Variants in AHRR observed in about 807,000 individuals in gnomAD.
AHRR encodes the protein aryl hydrocarbon receptor repressor.
In AHRR, 28 loss-of-function variants were observed where a neutral mutation model predicts 44.0. That is an observed-to-expected ratio of 0.64 (90% CI 0.47 to 0.87). The LOEUF (loss-of-function observed/expected upper bound fraction) is 0.87. AHRR is among the 40% of genes least tolerant of loss of function. The probability of loss-of-function intolerance (pLI) is 0.00; values close to 1 mark genes in which losing one functional copy is unlikely to be tolerated. For missense variants in AHRR, 990 were observed against 953.9 expected (o/e 1.04, Z -0.50); for synonymous variants, 434 against 407.0 (o/e 1.07, Z -0.80).
At chr5:355,132 C>T (rs541501047) in intron 3 of AHRR, among the ~76,000 whole-genome samples, 4 of 152,296 alleles carry the variant, frequency 2.6e-5, no homozygotes, top group South Asian at 2.1e-4. Context: ...TCTCTGTTCC[C>T]AGCCTGGGCC....
At chr5:376,339 G>T (rs1297113239) in intron 3 of AHRR, among the ~76,000 whole-genome samples, 1 of 152,152 alleles carries the variant, frequency 6.6e-6, no homozygotes, top group African/African-American at 2.4e-5. Context: ...GGGTGTGGGG[G>T]CGTCCTCAGG....
intron 3 of AHRR, among the ~76,000 whole-genome samples, chr5:362,430 A>G (rs576498704): frequency 1.3e-5 from 2 of 152,352 alleles, no homozygotes; most frequent in East Asian, 3.9e-4. Flanking sequence ...GCATGGGCAC[A>G]TGTGGGTCGA....
chr5:426,512 ATG>A (rs1172270119), intron 7 of AHRR, among the ~76,000 whole-genome samples: 1 of 150,264 alleles, frequency 6.7e-6, no homozygotes, highest in Non-Finnish European at 1.5e-5. Context: ...GGATGAGTGA[ATG>A]GATGAATGGG....
chr5:397,972 T>TCCTGACCATCCATGTTAGCC (rs1734820492), intron 4 of AHRR, among the ~76,000 whole-genome samples: 1 of 48,846 alleles, frequency 2.0e-5, no homozygotes, highest in Non-Finnish European at 3.9e-5. Context: ...TCCACATAGC[T>TCCTGACCATCCATGTTAGCC]CCTGACCATC....
chr5:429,293 T>C (rs1736610656), intron 8 of AHRR, among the ~76,000 whole-genome samples: 1 of 137,010 alleles, frequency 7.3e-6, no homozygotes, highest in South Asian at 2.3e-4. Flanking sequence ...TCCAACTTCC[T>C]CTCAGAGAAT....
chr5:379,128 C>T (rs369514822), intron 4 of AHRR, among the ~76,000 whole-genome samples: 1 of 152,206 alleles, frequency 6.6e-6, no homozygotes, highest in Non-Finnish European at 1.5e-5. Flanking sequence ...GTCTTCCACA[C>T]GGAGTCACAC....
intron 1 of AHRR, among the ~76,000 whole-genome samples, chr5:339,321 A>G (rs572819790): frequency 1.3e-5 from 2 of 152,248 alleles, no homozygotes; most frequent in South Asian, 4.1e-4. Flanking sequence ...GGGTCTTGCT[A>G]CATTGCCCAG....
intron 3 of AHRR, among the ~76,000 whole-genome samples, chr5:359,891 C>T (rs1472289313): frequency 6.6e-5 from 10 of 152,136 alleles, no homozygotes; most frequent in Non-Finnish European, 1.2e-4. Flanking sequence ...TTCCATGCTC[C>T]TTGAGATTAC....
chr5:398,740 C>A (rs1191521373), intron 4 of AHRR, among the ~76,000 whole-genome samples: 1 of 152,234 alleles, frequency 6.6e-6, no homozygotes, highest in Non-Finnish European at 1.5e-5. Context: ...CACCGATGGG[C>A]TTCTGTGAGA....
chr5:369,726 C>T (rs1743499915), intron 3 of AHRR, among the ~76,000 whole-genome samples: 1 of 152,248 alleles, frequency 6.6e-6, no homozygotes, highest in Non-Finnish European at 1.5e-5. Context: ...GTGCAGAACA[C>T]ACCTGTTCAG....
At chr5:398,656 C>T (rs1231573438) in intron 4 of AHRR, among the ~76,000 whole-genome samples, 1 of 152,210 alleles carries the variant, frequency 6.6e-6, no homozygotes, top group East Asian at 1.9e-4. Flanking sequence ...GTTTCAGGCG[C>T]CGTGCGTGCC....
intron 3 of AHRR, among the ~76,000 whole-genome samples, chr5:354,927 A>G (rs939097721): frequency 2.6e-5 from 4 of 152,178 alleles, no homozygotes. Context: ...GATGCCCAGC[A>G]TCACGCGCCG....
At chr5:355,141 C>T (rs183093369) in intron 3 of AHRR, among the ~76,000 whole-genome samples, 1 of 152,324 alleles carries the variant, frequency 6.6e-6, no homozygotes, top group African/African-American at 2.4e-5. Flanking sequence ...CCAGCCTGGG[C>T]CTCCTGGTGC....
chr5:343,937 G>A lies in AHRR; in HGVS notation c.35G>A (p.Arg12Gln), dbSNP rs1370185168. 2 of 1,600,758 alleles carry A rather than the reference G, an allele frequency of 1.2e-6. No individual in the cohort carries two copies. The highest frequency in any genetic ancestry group is 1.4e-5 in the African/African-American group (1 of 72,700). ...IPPGECTYAG[R>Q]KRRRPLQKQR... Reference sequence around the variant, plus strand: ...CCGGGGGAGTGCACGTACGCGGGCCGGAAGCGGAGGAGGCCCCTGCAGAAA... The same window carrying A: ...CCGGGGGAGTGCACGTACGCGGGCCAGAAGCGGAGGAGGCCCCTGCAGAAA... Residue 12 changes from arginine to glutamine, a missense_variant, in exon 2 of 11, where the codon CGG (arginine) becomes CAG (glutamine). Arg to Gln is a conservative substitution (Grantham distance 43, BLOSUM62 1). Coordinates refer to ENST00000684583, the MANE Select transcript of AHRR (RefSeq NM_001377236.1).
In AHRR at chr5:370,202, G is replaced by A. The variant is rs113773686; in HGVS notation, c.245-6408G>A. On this transcript the variant is annotated intron_variant, in intron 3 of 10. Transcript: ENST00000684583. This position sits in a 1 kb window ranked among gnomAD's most constrained non-coding sequence, Gnocchi z 4.5. Reference sequence around the variant, plus strand: ...CCTCCCGGGCCCTCGCTGGTGCCCCGTCCTCCCGGGCCCTCGCTGGAAGCC... The same window carrying A: ...CCTCCCGGGCCCTCGCTGGTGCCCCATCCTCCCGGGCCCTCGCTGGAAGCC... 1.8e-4 allele frequency among the ~76,000 whole-genome samples: 24 copies of A among 134,446 alleles called. 1 individual carries two copies. The East Asian group carries it at 2.7e-3, about 15-fold the overall frequency. The allele number at this position is 134,446 out of a possible 152,430, so 88.2% of individuals were successfully genotyped here.
chr5:397,680 T>TAGCCCCTGACCATCCAC (rs1734795666), intron 4 of AHRR, among the ~76,000 whole-genome samples: 1 of 78,116 alleles, frequency 1.3e-5, no homozygotes, highest in African/African-American at 5.7e-5. Flanking sequence ...TGACCATCCA[T>TAGCCCCTGACCATCCAC]GTAGCCCCTG....
At position 397,610 on chromosome 5, in the gene AHRR, C is replaced by T. The variant is rs1165928913; in HGVS notation, c.352-15734C>T. On this transcript the variant is annotated intron_variant, in intron 4 of 10. Coordinates refer to ENST00000684583, the MANE Select transcript of AHRR (RefSeq NM_001377236.1). The stretch of plus-strand genomic sequence containing the variant: ...TTAGCCCCTGACCATCCACGTAGCT[C>T]CTGACCATCCATGTTAGCCCCTGAC... 7.2e-3 allele frequency among the ~76,000 whole-genome samples: 510 copies of T among 70,804 alleles called. 6 individuals carry two copies. The highest frequency in any genetic ancestry group is 0.01 in the Non-Finnish European group (356 of 35,124). 46.5% of individuals were successfully genotyped at this position (70,804 alleles called of 152,430 possible).
intron 2 of AHRR, 143 bp from the exon 3 acceptor site, chr5:353,587 T>C: frequency 1.4e-6 from 1 of 707,058 alleles, no homozygotes; most frequent in Non-Finnish European, 2.3e-6. Flanking sequence ...GAGGCATGGG[T>C]GAGCTTTAGT....
chr5:327,794 A>G (rs1741763334), intron 1 of AHRR, among the ~76,000 whole-genome samples: 1 of 151,930 alleles, frequency 6.6e-6, no homozygotes, highest in African/African-American at 2.4e-5. Flanking sequence ...TTATTTTATT[A>G]TTACTATACT....
Sources: allele counts gnomAD v4.1 joint callset (sites outside exome capture counted in the v4.1 genomes callset), GRCh38; gene constraint gnomAD v4.1.1; non-coding constraint Gnocchi (gnomAD v3.1); transcripts MANE v1.5; gene names NCBI Gene and HGNC (gene_info 2026-07-23, HGNC 2026-07-21).